ERBB4: variants seen among roughly 807,000 people sequenced by gnomAD.
ERBB4 encodes the protein receptor tyrosine-protein kinase erbB-4.
ERBB4 carries 42 observed loss-of-function variants against 158.0 expected under a neutral mutation model. That is an observed-to-expected ratio of 0.27 (90% CI 0.21 to 0.34). The LOEUF (loss-of-function observed/expected upper bound fraction) is 0.34. Among genes scored for constraint, ERBB4 ranks in the 10% least tolerant of loss-of-function variants. The probability of loss-of-function intolerance (pLI) is 1.00; values close to 1 mark genes in which losing one functional copy is unlikely to be tolerated. For missense variants in ERBB4, 1,333 were observed against 1,624.1 expected (o/e 0.82, Z 3.08); for synonymous variants, 583 against 558.7 (o/e 1.04, Z -0.61).
intron 2 of ERBB4, among the ~76,000 whole-genome samples, chr2:212,121,994 T>C (rs2079764846): frequency 6.6e-6 from 1 of 151,798 alleles, no homozygotes; most frequent in Non-Finnish European, 1.5e-5. Context: ...CCACACCTTC[T>C]TTCTGATTCT....
chr2:211,958,452 A>G (rs1037704456), intron 2 of ERBB4, among the ~76,000 whole-genome samples: 3 of 152,126 alleles, frequency 2.0e-5, no homozygotes, highest in African/African-American at 7.2e-5. Flanking sequence ...AAATAATTAC[A>G]TTAACTTCTA....
chr2:212,355,682 T>C (rs991778448), intron 1 of ERBB4, among the ~76,000 whole-genome samples: 2 of 152,024 alleles, frequency 1.3e-5, no homozygotes, highest in Admixed American at 6.6e-5. Context: ...CTTGTCAGTA[T>C]GGAGTTTATT....
intron 2 of ERBB4, among the ~76,000 whole-genome samples, chr2:212,058,159 C>T (rs1411922084): frequency 6.6e-6 from 1 of 152,176 alleles, no homozygotes; most frequent in Non-Finnish European, 1.5e-5. Flanking sequence ...ATACTATAAA[C>T]AACTCTACAC....
At chr2:211,825,369 C>T (rs2077079214) in intron 3 of ERBB4, among the ~76,000 whole-genome samples, 1 of 151,666 alleles carries the variant, frequency 6.6e-6, no homozygotes, top group Non-Finnish European at 1.5e-5. Context: ...TCTGAACAGG[C>T]TCATTGAAAA....
chr2:212,292,803 C>T (rs2086257596), intron 1 of ERBB4, among the ~76,000 whole-genome samples: 1 of 151,948 alleles, frequency 6.6e-6, no homozygotes, highest in Non-Finnish European at 1.5e-5. Flanking sequence ...AAAGATAAAC[C>T]AGAGAACCAT....
At chr2:211,877,689 T>C (rs2078544855) in intron 3 of ERBB4, among the ~76,000 whole-genome samples, 1 of 152,204 alleles carries the variant, frequency 6.6e-6, no homozygotes. Context: ...AAACAATTTG[T>C]ATAGGAAATA....
chr2:211,757,366 T>C (rs2075308868), intron 4 of ERBB4, among the ~76,000 whole-genome samples: 1 of 152,170 alleles, frequency 6.6e-6, no homozygotes, highest in African/African-American at 2.4e-5. Context: ...ACATTTATCG[T>C]TGGGATTTTT....
At chr2:212,262,549 G>A (rs1471757013) in intron 1 of ERBB4, among the ~76,000 whole-genome samples, 1 of 152,122 alleles carries the variant, frequency 6.6e-6, no homozygotes, top group Middle Eastern at 3.2e-3. Flanking sequence ...TTACAATTAT[G>A]TGAACCCATT....
intron 3 of ERBB4, among the ~76,000 whole-genome samples, chr2:211,914,195 T>C (rs2079621945): frequency 6.6e-6 from 1 of 151,628 alleles, no homozygotes; most frequent in East Asian, 1.9e-4. Flanking sequence ...AAATTGTATG[T>C]TGGGAGAGGG....
chr2:212,455,441 TCTGC>T (rs1688240791), intron 1 of ERBB4, among the ~76,000 whole-genome samples: 1 of 151,032 alleles, frequency 6.6e-6, no homozygotes, highest in African/African-American at 2.4e-5. Context: ...AAATATTCTC[TCTGC>T]ATTGTCCAAT....
chr2:211,880,216 A>C (rs1017744288), intron 3 of ERBB4, among the ~76,000 whole-genome samples: 5 of 152,118 alleles, frequency 3.3e-5, no homozygotes, highest in African/African-American at 1.2e-4. Context: ...AACATTCTTT[A>C]ACAGTAGGTT....
intron 5 of ERBB4, among the ~76,000 whole-genome samples, chr2:211,745,834 C>A (rs1230781753): frequency 6.7e-6 from 1 of 150,326 alleles, no homozygotes; most frequent in Non-Finnish European, 1.5e-5. Flanking sequence ...AAACTGGAAA[C>A]AACTGAGATT....
chr2:211,587,715 A>C (rs1024654673), intron 19 of ERBB4, among the ~76,000 whole-genome samples: 2 of 152,170 alleles, frequency 1.3e-5, no homozygotes, highest in Non-Finnish European at 2.9e-5. Flanking sequence ...TTTGATAATG[A>C]CCTATCCTCG....
At chr2:212,012,245 C>T (rs538982345) in intron 2 of ERBB4, among the ~76,000 whole-genome samples, 36 of 152,076 alleles carry the variant, frequency 2.4e-4, no homozygotes, top group Non-Finnish European at 5.1e-4. Flanking sequence ...TTAGGCTCAT[C>T]CTGTACATTT....
intron 14 of ERBB4, among the ~76,000 whole-genome samples, chr2:211,667,185 T>G (rs2071665506): frequency 6.6e-6 from 1 of 151,986 alleles, no homozygotes; most frequent in Admixed American, 6.5e-5. Context: ...CCTGGGTGCA[T>G]GTGGCCAATG....
intron 2 of ERBB4, among the ~76,000 whole-genome samples, chr2:212,110,449 T>C (rs2079369481): frequency 6.6e-6 from 1 of 152,224 alleles, no homozygotes; most frequent in African/African-American, 2.4e-5. Context: ...GTCAGATTGC[T>C]GACCCCATGG....
chr2:212,191,856 T>C (rs62647516), intron 1 of ERBB4, among the ~76,000 whole-genome samples: 24,593 of 118,596 alleles, frequency 0.21, 2,654 homozygotes, highest in Non-Finnish European at 0.24. Context: ...GTTATATATG[T>C]TCTATATATT....
chr2:211,454,006 TGA>T (rs2125485046), intron 20 of ERBB4, among the ~76,000 whole-genome samples: 1 of 152,318 alleles, frequency 6.6e-6, no homozygotes, highest in East Asian at 1.9e-4. Context: ...CTAATTTTCA[TGA>T]GAGTACAAAG....
chr2:212,329,529 A>G (rs1411584560), intron 1 of ERBB4, among the ~76,000 whole-genome samples: 1 of 152,028 alleles, frequency 6.6e-6, no homozygotes, highest in African/African-American at 2.4e-5. Flanking sequence ...TTGAATTTTT[A>G]CTCATGTAAC....
Sources: gnomAD v4.1 joint callset for allele counts (sites outside exome capture counted in the v4.1 genomes callset) on GRCh38, gnomAD v4.1.1 for gene constraint, MANE v1.5 for transcripts, NCBI Gene and HGNC (gene_info 2026-07-23, HGNC 2026-07-21) for gene names.